The following GRIA2 variants were observed in gnomAD, a reference collection of about 807,000 sequenced individuals.
The protein encoded by GRIA2 is glutamate receptor 2.
GRIA2 carries 14 observed loss-of-function variants against 97.3 expected under a neutral mutation model. The observed-to-expected ratio is 0.14, with a 90% confidence interval of 0.10 to 0.23. The LOEUF is 0.23. GRIA2 is among the 10% of genes least tolerant of loss of function. The pLI is 1.00. For missense variants in GRIA2, 558 were observed against 1,069.8 expected (o/e 0.52, Z 6.67); for synonymous variants, 412 against 387.8 (o/e 1.06, Z -0.73).
chr4:157,237,059 C>G (rs1730283584), intron 2 of GRIA2, among the ~76,000 whole-genome samples: 1 of 151,842 alleles, frequency 6.6e-6, no homozygotes, highest in Non-Finnish European at 1.5e-5. Context: ...GAATTTTGTG[C>G]CTTGCTCAGA....
chr4:157,322,531 G>A (rs941301678), intron 6 of GRIA2, among the ~76,000 whole-genome samples: 2 of 152,112 alleles, frequency 1.3e-5, no homozygotes, highest in African/African-American at 4.8e-5. Flanking sequence ...GTATACACAT[G>A]CGTGCATGAA....
At chr4:157,355,527 T>TC (rs1403320412) in intron 12 of GRIA2, among the ~76,000 whole-genome samples, 5 of 90,424 alleles carry the variant, frequency 5.5e-5, no homozygotes, top group South Asian at 4.8e-4. Context: ...AGACTTCATG[T>TC]CAAAAAAAAA....
rs1735490313 is a variant in GRIA2, at chr4:157,340,278, T to C, written c.1845-986T>C. 2.0e-5 allele frequency among the ~76,000 whole-genome samples: 3 copies of C among 152,008 alleles called. No individual in the cohort carries two copies. In the South Asian group the frequency reaches 6.2e-4, roughly 31 times the overall value. On this transcript the variant is annotated intron_variant, in intron 11 of 15. Coordinates refer to ENST00000264426, the MANE Select transcript of GRIA2 (RefSeq NM_001083619.3). ...CTAATTGTTAGACATAGTAGAGTTATTGACAACAGAGAAACGGTTAGTTTT... is the reference window on the plus strand; with the variant it reads ...CTAATTGTTAGACATAGTAGAGTTACTGACAACAGAGAAACGGTTAGTTTT...
In GRIA2 at chr4:157,333,220, ACT is replaced by A. The variant is rs1735136187; in HGVS notation, c.1051-26_1051-25del. 2.3e-6 allele frequency: 3 copies of A among 1,290,520 alleles called. No individual in the cohort carries two copies. In the South Asian group the frequency reaches 3.8e-5, roughly 17 times the overall value. 79.9% of individuals were successfully genotyped at this position (1,290,520 alleles called of 1,614,324 possible). ...TATGTTTGGTTGAAGTAAATATATA[ACT>A]CTGCTGCTTTCCCATTTCTTCATTA... On this transcript the variant is annotated intron_variant, in intron 7 of 15. Transcript: ENST00000264426.
chr4:157,283,320 G>T (rs1172706101), intron 2 of GRIA2, among the ~76,000 whole-genome samples: 1 of 151,900 alleles, frequency 6.6e-6, no homozygotes, highest in Non-Finnish European at 1.5e-5. Context: ...AGAGGAGGTG[G>T]TATTCTATCT....
rs1411603440 is a variant in GRIA2, at chr4:157,361,903, T to A, written c.2406+779T>A. 6.6e-6 allele frequency among the ~76,000 whole-genome samples: 1 copy of A among 152,172 alleles called. No homozygotes were observed. Among genetic ancestry groups the A allele is most frequent in the Non-Finnish European group, 1.5e-5 (1 of 68,036 alleles). On this transcript the variant is annotated intron_variant, in intron 14 of 15. Coordinates refer to ENST00000264426, the MANE Select transcript of GRIA2 (RefSeq NM_001083619.3). This position sits in a 1 kb window ranked among gnomAD's most constrained non-coding sequence, Gnocchi z 5.2. ...TCTGTGTTCATGTCTAACTCATACA[T>A]AATAGTGCATGAAACAGCAACATAC...
At chr4:157,224,642 A>G (rs1370303570) in intron 2 of GRIA2, among the ~76,000 whole-genome samples, 3 of 152,146 alleles carry the variant, frequency 2.0e-5, no homozygotes, top group Non-Finnish European at 4.4e-5. Flanking sequence ...GTAAACTACA[A>G]TCACAAAGTC....
chr4:157,254,326 A>T (rs576367078), intron 2 of GRIA2, among the ~76,000 whole-genome samples: 1 of 152,246 alleles, frequency 6.6e-6, no homozygotes, highest in East Asian at 1.9e-4. Flanking sequence ...AGGATATAAC[A>T]CAAAGAACAT....
intron 2 of GRIA2, among the ~76,000 whole-genome samples, chr4:157,248,444 G>T (rs1730831431): frequency 6.9e-6 from 1 of 144,808 alleles, no homozygotes; most frequent in Non-Finnish European, 1.5e-5. Flanking sequence ...GCACACGCTT[G>T]TAATCCCAAC....
At chr4:157,242,429 A>T (rs912706985) in intron 2 of GRIA2, among the ~76,000 whole-genome samples, 3 of 152,108 alleles carry the variant, frequency 2.0e-5, no homozygotes, top group Admixed American at 2.0e-4. Context: ...TGAAGCAATA[A>T]CCATGTGAAT....
chr4:157,319,659 T>G (rs1252572215), intron 5 of GRIA2, among the ~76,000 whole-genome samples: 1 of 152,176 alleles, frequency 6.6e-6, no homozygotes, highest in Non-Finnish European at 1.5e-5. Flanking sequence ...GTTGAAGGGC[T>G]TTCATCTTCC....
chr4:157,323,801 A>C (rs1233712114), intron 6 of GRIA2, among the ~76,000 whole-genome samples: 1 of 152,204 alleles, frequency 6.6e-6, no homozygotes, highest in Non-Finnish European at 1.5e-5. Flanking sequence ...AACTAGTGCC[A>C]GATTTCACTG....
chr4:157,263,587 A>G (rs1270701703), intron 2 of GRIA2, among the ~76,000 whole-genome samples: 1 of 151,976 alleles, frequency 6.6e-6, no homozygotes, highest in African/African-American at 2.4e-5. Context: ...AGATTTTAGC[A>G]TATAAATGCA....
intron 2 of GRIA2, among the ~76,000 whole-genome samples, chr4:157,237,285 A>G (rs919562922): frequency 1.4e-5 from 2 of 144,678 alleles, no homozygotes; most frequent in African/African-American, 2.6e-5. Flanking sequence ...TTTGAAATGT[A>G]TAAGTTTTTT....
intron 9 of GRIA2, chr4:157,335,319 T>G (rs1161994562): frequency 7.2e-6 from 2 of 277,078 alleles, no homozygotes; most frequent in Non-Finnish European, 1.4e-5. Flanking sequence ...GATAAGGGTG[T>G]GGTGAATCCA....
chr4:157,355,682 TTATATATTTATTTATATATATTTG>T (rs1213264718), intron 12 of GRIA2, among the ~76,000 whole-genome samples: 2 of 90,412 alleles, frequency 2.2e-5, no homozygotes, highest in African/African-American at 6.3e-5. Context: ...ATATATTTAT[TTATATATTTATTTATATATATTTG>T]TATATATTTA....
At chr4:157,279,116 A>G (rs553723019) in intron 2 of GRIA2, among the ~76,000 whole-genome samples, 1 of 152,286 alleles carries the variant, frequency 6.6e-6, no homozygotes, top group African/African-American at 2.4e-5. Context: ...TATTTATCCA[A>G]ATGATTTGAA....
chr4:157,348,236 T>C (rs1306497527), intron 12 of GRIA2, among the ~76,000 whole-genome samples: 1 of 152,152 alleles, frequency 6.6e-6, no homozygotes, highest in Non-Finnish European at 1.5e-5. Context: ...GTGGCTGCTA[T>C]TTTCATAGGG....
chr4:157,235,936 C>T (rs190111055), intron 2 of GRIA2, among the ~76,000 whole-genome samples: 47 of 152,034 alleles, frequency 3.1e-4, no homozygotes, highest in African/African-American at 1.0e-3. Context: ...AATGTCAATG[C>T]ATATACCTAT....
Sources: gnomAD v4.1 joint callset for allele counts (sites outside exome capture counted in the v4.1 genomes callset) on GRCh38, gnomAD v4.1.1 for gene constraint, Gnocchi (gnomAD v3.1) non-coding constraint, MANE v1.5 for transcripts, NCBI Gene and HGNC (gene_info 2026-07-23, HGNC 2026-07-21) for gene names.